Variants in GNB1 observed in about 807,000 individuals in gnomAD.
The protein encoded by GNB1 is guanine nucleotide-binding protein G(I)/G(S)/G(T) subunit beta-1.
A neutral mutation model predicts 42.9 loss-of-function variants in GNB1; 2 were observed. The observed-to-expected ratio is 0.05, with a 90% confidence interval of 0.02 to 0.15. The LOEUF is 0.15. Ranked by LOEUF, GNB1 falls within the 10% of genes least tolerant of loss-of-function variation. GNB1 has a pLI of 1.00. For synonymous variants in GNB1, 183 were observed against 174.7 expected (o/e 1.05, Z -0.38); for missense variants, 193 against 462.2 (o/e 0.42, Z 5.34).
At chr1:1,879,201 G>A (rs1343817228) in intron 1 of GNB1, among the ~76,000 whole-genome samples, 2 of 152,144 alleles carry the variant, frequency 1.3e-5, no homozygotes, top group African/African-American at 2.4e-5. Flanking sequence ...CCCTGGGCCT[G>A]GCCCATTCTC....
chr1:1,820,280 C>CT, intron 3 of GNB1, among the ~76,000 whole-genome samples: 1 of 147,982 alleles, frequency 6.8e-6, no homozygotes, highest in Non-Finnish European at 1.5e-5. Context: ...ATCGCTTGAA[C>CT]CTGGGAGGCA....
intron 1 of GNB1, among the ~76,000 whole-genome samples, chr1:1,861,764 G>C (rs1190876802): frequency 6.6e-6 from 1 of 152,080 alleles, no homozygotes; most frequent in Non-Finnish European, 1.5e-5. Context: ...AACACAGACA[G>C]CACTGGAAGC....
intron 1 of GNB1, among the ~76,000 whole-genome samples, chr1:1,849,205 C>G (rs973689051): frequency 1.3e-5 from 2 of 152,194 alleles, no homozygotes; most frequent in African/African-American, 4.8e-5. Flanking sequence ...GGAGAGACTC[C>G]ATGGGGAGAG....
intron 2 of GNB1, among the ~76,000 whole-genome samples, chr1:1,828,977 A>G (rs1425759348): frequency 3.3e-5 from 5 of 152,208 alleles, no homozygotes; most frequent in African/African-American, 9.7e-5. Context: ...CATAGAAGTG[A>G]TAAGAAAAAT....
chr1:1,826,472 G>A (rs1367513021), intron 2 of GNB1, among the ~76,000 whole-genome samples: 6 of 152,074 alleles, frequency 3.9e-5, no homozygotes, highest in Admixed American at 3.9e-4. Context: ...AAGACCTAGG[G>A]GAAGTTACTT....
chr1:1,873,552 T>C (rs562943854), intron 1 of GNB1, among the ~76,000 whole-genome samples: 1 of 152,366 alleles, frequency 6.6e-6, no homozygotes, highest in African/African-American at 2.4e-5. Context: ...TCGCTTCATT[T>C]TGGGGTAGTT....
chr1:1,790,378 C>A lies in GNB1; in HGVS notation c.699+17G>T. 6.3e-7 allele frequency: 1 copy of A among 1,590,316 alleles called. No homozygotes were observed. Among genetic ancestry groups the A allele is most frequent in the Non-Finnish European group, 8.6e-7 (1 of 1,158,312 alleles). ...AGACGGCAGAGGACCCGACCCCACA[C>A]CTCCACCCAGACTCACGCAAATGGC... On this transcript the variant is annotated intron_variant, in intron 9 of 11. Transcript: ENST00000378609. This position sits in a 1 kb window ranked among gnomAD's most constrained non-coding sequence, Gnocchi z 5.4.
intron 1 of GNB1, among the ~76,000 whole-genome samples, chr1:1,876,885 G>A (rs909899023): frequency 3.9e-5 from 6 of 152,158 alleles, no homozygotes; most frequent in African/African-American, 1.4e-4. Flanking sequence ...GAACCAGGAT[G>A]TCCAGCACGT....
At chr1:1,873,208 G>A (rs926155775) in intron 1 of GNB1, among the ~76,000 whole-genome samples, 1 of 152,190 alleles carries the variant, frequency 6.6e-6, no homozygotes, top group Non-Finnish European at 1.5e-5. Flanking sequence ...CCTATGCTAG[G>A]CCTCATAACT....
At chr1:1,835,434 C>G (rs75099149) in intron 2 of GNB1, among the ~76,000 whole-genome samples, 161 of 152,328 alleles carry the variant, frequency 1.1e-3, no homozygotes, top group Non-Finnish European at 2.0e-3. Context: ...CCCCTTAGAA[C>G]CATGACTGAC....
Position 1,864,337 on chromosome 1 carries a change from G to GAAAAAAAAAAAAAAAA in GNB1, c.-95-25100_-95-25099insTTTTTTTTTTTTTTTT, listed in dbSNP as rs1245850367. On this transcript the variant is annotated intron_variant, in intron 1 of 11. Transcript: ENST00000378609. ...CTCAAAAAAAAAAAAAAAAAAAAAA[G>GAAAAAAAAAAAAAAAA]AAGAAAACCCCACGAAAAAACTATT... Among the ~76,000 whole-genome samples, 8 of 91,178 alleles carry GAAAAAAAAAAAAAAAA rather than the reference G, an allele frequency of 8.8e-5. No homozygotes were observed. In the East Asian group the frequency reaches 3.1e-3, roughly 36 times the overall value. The allele number at this position is 91,178 out of a possible 152,430, so 59.8% of individuals were successfully genotyped here.
chr1:1,841,035 G>A (rs914292325), intron 1 of GNB1, among the ~76,000 whole-genome samples: 3 of 151,966 alleles, frequency 2.0e-5, no homozygotes, highest in African/African-American at 7.3e-5. Context: ...GCGATTATAG[G>A]CACATGCCAC....
At chr1:1,793,212 C>T in intron 8 of GNB1, 33 bp downstream of exon 8, 1 of 1,477,834 alleles carries the variant, frequency 6.8e-7, no homozygotes, top group Admixed American at 1.7e-5. Context: ...TGTGGGTTCT[C>T]AAGGCACTGC....
intron 1 of GNB1, among the ~76,000 whole-genome samples, chr1:1,872,417 C>A (rs895056318): frequency 9.9e-5 from 15 of 152,230 alleles, no homozygotes; most frequent in Middle Eastern, 3.2e-3. Context: ...GGACCCTCAC[C>A]TGGTATAAAT....
intron 1 of GNB1, among the ~76,000 whole-genome samples, chr1:1,844,896 C>T (rs72634852): frequency 0.053 from 7,996 of 152,232 alleles, 303 homozygotes; most frequent in Non-Finnish European, 0.083. Context: ...ACATCCAGCC[C>T]CAAGAGTTTT....
intron 7 of GNB1, among the ~76,000 whole-genome samples, chr1:1,800,519 T>C (rs1168658693): frequency 1.3e-5 from 2 of 151,764 alleles, no homozygotes; most frequent in Non-Finnish European, 2.9e-5. Flanking sequence ...AGTGGGAAAG[T>C]GATGAACAAA....
chr1:1,798,466 T>C (rs1480219879), intron 7 of GNB1, among the ~76,000 whole-genome samples: 1 of 152,236 alleles, frequency 6.6e-6, no homozygotes, highest in African/African-American at 2.4e-5. Flanking sequence ...GCCACCACAG[T>C]GGGCTCTGTC....
rs761389908 is a variant in GNB1, at chr1:1,787,330, G to A, written c.*1C>T. The A allele has an allele frequency of 1.8e-5, 28 of 1,568,118 alleles. No individual in the cohort carries two copies. In the East Asian group the frequency reaches 4.9e-4, roughly 28 times the overall value. ...TTGGGCTGCTGCATTACCTACTGGC[G>A]TTAGTTCCAGATCTTGAGGAAGCTA... is the stretch of plus-strand genomic sequence containing the variant. On this transcript the variant is annotated 3_prime_UTR_variant, in exon 11 of 12. Coordinates refer to ENST00000378609, the MANE Select transcript of GNB1 (RefSeq NM_002074.5). The surrounding 1 kb of genome is among the most constrained non-coding windows in gnomAD (Gnocchi z 4.4).
chr1:1,863,953 T>A (rs552519027), intron 1 of GNB1, among the ~76,000 whole-genome samples: 5 of 152,204 alleles, frequency 3.3e-5, no homozygotes, highest in African/African-American at 9.6e-5. Flanking sequence ...AATCCTAAAA[T>A]TTTGGAAGGC....
Sources: allele counts gnomAD v4.1 joint callset (sites outside exome capture counted in the v4.1 genomes callset), GRCh38; gene constraint gnomAD v4.1.1; non-coding constraint Gnocchi (gnomAD v3.1); transcripts MANE v1.5; gene names NCBI Gene and HGNC (gene_info 2026-07-23, HGNC 2026-07-21).